RABGAP1L: variants seen among roughly 807,000 people sequenced by gnomAD.
The protein encoded by RABGAP1L is RAB GTPase activating protein 1 like.
Under a neutral mutation model 137.7 loss-of-function variants are expected in RABGAP1L, and 63 were observed. That is an observed-to-expected ratio of 0.46 (90% CI 0.37 to 0.56). The LOEUF is 0.56. Among genes scored for constraint, RABGAP1L ranks in the 20% least tolerant of loss-of-function variants. RABGAP1L has a pLI of 0.00. For synonymous variants in RABGAP1L, 431 were observed against 433.7 expected (o/e 0.99, Z 0.08); for missense variants, 1,095 against 1,244.0 (o/e 0.88, Z 1.80).
Position 174,989,943 on chromosome 1 carries a change from C to G in RABGAP1L, c.3098C>G (p.Thr1033Arg). ...ACCCTGAACTCTATCAAAACGGCCA[C>G]GGGCACCCAGCCATTGCAGCCAGCA... is the stretch of plus-strand genomic sequence containing the variant. The part of the protein sequence containing the change: ...SKTLNSIKTA[T>R]GTQPLQPAPV... Residue 1033 changes from threonine to arginine, a missense_variant, in exon 26 of 26, where the codon ACG (threonine) becomes AGG (arginine). By Grantham distance (71) the Thr-to-Arg change is moderately conservative. Coordinates refer to ENST00000681986, the MANE Select transcript of RABGAP1L (RefSeq NM_001366446.1). 1 of 1,549,684 alleles carries G rather than the reference C, an allele frequency of 6.5e-7. No homozygotes were observed. The highest frequency in any genetic ancestry group is 8.7e-7 in the Non-Finnish European group (1 of 1,146,088).
At chr1:174,813,075 C>T (rs1205338419) in intron 19 of RABGAP1L, among the ~76,000 whole-genome samples, 3 of 152,144 alleles carry the variant, frequency 2.0e-5, no homozygotes, top group Admixed American at 6.5e-5. Flanking sequence ...GGAGCTCTTG[C>T]AGGGTTTTTA....
chr1:174,459,865 G>A (rs938548478), intron 13 of RABGAP1L, among the ~76,000 whole-genome samples: 3 of 151,914 alleles, frequency 2.0e-5, no homozygotes, highest in African/African-American at 7.3e-5. Context: ...AATGTTTATT[G>A]TATGTTTTCC....
chr1:174,672,202 C>T (rs1374977896), intron 14 of RABGAP1L, among the ~76,000 whole-genome samples: 1 of 150,536 alleles, frequency 6.6e-6, no homozygotes, highest in Non-Finnish European at 1.5e-5. Flanking sequence ...TTTGAGTCTT[C>T]TCTCACTTTT....
At chr1:174,604,295 G>C (rs2148183792) in intron 13 of RABGAP1L, among the ~76,000 whole-genome samples, 1 of 152,272 alleles carries the variant, frequency 6.6e-6, no homozygotes. Context: ...GCTGAATTCT[G>C]CCATGTGTTT....
At position 174,612,582 on chromosome 1, in the gene RABGAP1L, G is replaced by A. The variant is rs971946233; in HGVS notation, c.1711-24793G>A. Among the ~76,000 whole-genome samples, 194 of 152,252 alleles carry A rather than the reference G, an allele frequency of 1.3e-3. 1 individual carries two copies. Among genetic ancestry groups the A allele is most frequent in the African/African-American group, 4.4e-3 (182 of 41,568 alleles). On this transcript the variant is annotated intron_variant, in intron 13 of 25. Coordinates refer to ENST00000681986, the MANE Select transcript of RABGAP1L (RefSeq NM_001366446.1). ...GATGCTGGCCTCATAAAATGAGTTA[G>A]GGAGGATTCCCTCTTTTTCTATTGA...
intron 12 of RABGAP1L, among the ~76,000 whole-genome samples, chr1:174,380,239 C>G (rs1686000133): frequency 1.3e-5 from 2 of 152,096 alleles, no homozygotes; most frequent in Non-Finnish European, 2.9e-5. Flanking sequence ...GTATATTGGT[C>G]TAAAATTCTC....
At chr1:174,423,008 CA>C (rs1172470766) in intron 13 of RABGAP1L, among the ~76,000 whole-genome samples, 4 of 148,274 alleles carry the variant, frequency 2.7e-5, no homozygotes, top group Non-Finnish European at 6.0e-5. Flanking sequence ...TGAATAGTGA[CA>C]TTTTTTAGCA....
At position 174,453,427 on chromosome 1, in the gene RABGAP1L, C is replaced by T. The variant is rs57359127; in HGVS notation, c.1710+59282C>T. On this transcript the variant is annotated intron_variant, in intron 13 of 25. Transcript: ENST00000681986. ...AGGACCTTTCCTCTTTTTCTCCCCA[C>T]GCTAGAAGGTAATCATTAGATGTGA... Among the ~76,000 whole-genome samples the T allele has an allele frequency of 1.4e-3, 210 of 152,212 alleles. 1 individual carries two copies. The highest frequency in any genetic ancestry group is 4.6e-3 in the African/African-American group (190 of 41,524).
chr1:174,713,572 G>A (rs979957906), intron 17 of RABGAP1L, among the ~76,000 whole-genome samples: 1 of 152,094 alleles, frequency 6.6e-6, no homozygotes, highest in Non-Finnish European at 1.5e-5. Context: ...CCCTGCTCTC[G>A]TTTACTCTCT....
chr1:174,412,474 G>T (rs1277383868), intron 13 of RABGAP1L, among the ~76,000 whole-genome samples: 2 of 152,022 alleles, frequency 1.3e-5, no homozygotes, highest in Non-Finnish European at 2.9e-5. Flanking sequence ...CATTAATATT[G>T]ATAATGTGAG....
At chr1:174,535,738 T>C (rs1028602306) in intron 13 of RABGAP1L, among the ~76,000 whole-genome samples, 3 of 152,182 alleles carry the variant, frequency 2.0e-5, no homozygotes, top group South Asian at 2.1e-4. Flanking sequence ...AAGGAAAATA[T>C]ATTAATTGTA....
chr1:174,946,258 G>T (rs1047982846), intron 19 of RABGAP1L, among the ~76,000 whole-genome samples: 1 of 152,194 alleles, frequency 6.6e-6, no homozygotes, highest in Admixed American at 6.5e-5. Context: ...AGGTTTGAGA[G>T]CTATGCATGT....
intron 17 of RABGAP1L, among the ~76,000 whole-genome samples, chr1:174,742,146 A>C (rs1396006499): frequency 9.2e-6 from 1 of 108,540 alleles, no homozygotes; most frequent in Non-Finnish European, 1.8e-5. Flanking sequence ...GAAGAAGAGG[A>C]AGAGGAGAGG....
At chr1:174,467,307 A>T (rs10912790) in intron 13 of RABGAP1L, among the ~76,000 whole-genome samples, 9 of 152,118 alleles carry the variant, frequency 5.9e-5, no homozygotes, top group Non-Finnish European at 8.8e-5. Context: ...GTAGTCATTT[A>T]TCATCTTTTC....
At chr1:174,583,268 C>G (rs1668873733) in intron 13 of RABGAP1L, among the ~76,000 whole-genome samples, 1 of 152,004 alleles carries the variant, frequency 6.6e-6, no homozygotes, top group African/African-American at 2.4e-5. Flanking sequence ...ATGTCAGAGC[C>G]CATCTTTTAC....
intron 19 of RABGAP1L, among the ~76,000 whole-genome samples, chr1:174,851,677 T>C (rs1648373866): frequency 7.1e-6 from 1 of 141,776 alleles, no homozygotes; most frequent in Admixed American, 7.1e-5. Context: ...CATGCACAGC[T>C]TTTTTTTTTT....
intron 11 of RABGAP1L, among the ~76,000 whole-genome samples, chr1:174,339,702 G>C (rs533917267): frequency 1.3e-5 from 2 of 152,122 alleles, no homozygotes; most frequent in African/African-American, 2.4e-5. Context: ...TGCTTCCCAG[G>C]TTCAATTGAT....
intron 13 of RABGAP1L, among the ~76,000 whole-genome samples, chr1:174,441,488 AC>A (rs1654139818): frequency 6.6e-6 from 1 of 152,142 alleles, no homozygotes; most frequent in Non-Finnish European, 1.5e-5. Context: ...TAATCCCAGC[AC>A]TTTGGGAGGC....
In RABGAP1L at chr1:174,176,741, A is replaced by AAAATAAAAT. The variant is rs1553248318; in HGVS notation, c.-34+17087_-34+17088insTAAAATAAA. 2.4e-3 allele frequency among the ~76,000 whole-genome samples: 271 copies of AAAATAAAAT among 111,774 alleles called. 10 individuals are homozygous for AAAATAAAAT. Among genetic ancestry groups the AAAATAAAAT allele is most frequent in the African/African-American group, 8.7e-3 (244 of 28,008 alleles). The allele number at this position is 111,774 out of a possible 152,430, so 73.3% of individuals were successfully genotyped here. A position where few individuals can be genotyped will look rare whatever the true frequency, so the allele number is the denominator to read the frequency against. On this transcript the variant is annotated intron_variant, in intron 1 of 25. Transcript: ENST00000681986. ...AAAAAAAAAAAAAAAAAAAAAAAAAAAAAAAGGTCAACATTTGTTAATACT... is the reference window on the plus strand; with the variant it reads ...AAAAAAAAAAAAAAAAAAAAAAAAAAAAATAAAATAAAAAGGTCAACATTTGTTAATACT...
Sources: allele counts gnomAD v4.1 joint callset (sites outside exome capture counted in the v4.1 genomes callset), GRCh38; gene constraint gnomAD v4.1.1; transcripts MANE v1.5; gene names NCBI Gene and HGNC (gene_info 2026-07-23, HGNC 2026-07-21).